The following HOOK2 variants were observed in gnomAD, a reference collection of about 807,000 sequenced individuals.
HOOK2 encodes the protein hook microtubule tethering protein 2, also known as protein Hook homolog 2.
In HOOK2, 108 loss-of-function variants were observed where a neutral mutation model predicts 111.9. That is an observed-to-expected ratio of 0.96 (90% CI 0.83 to 1.13). HOOK2 has a LOEUF of 1.13. Among genes scored for constraint, HOOK2 ranks in the 50% most tolerant of loss-of-function variants. HOOK2 has a pLI of 0.00. For missense variants in HOOK2, 978 were observed against 951.3 expected (o/e 1.03, Z -0.37); for synonymous variants, 405 against 394.3 (o/e 1.03, Z -0.32).
chr19:12,781,069 G>A (rs1237711478), upstream of HOOK2, among the ~76,000 whole-genome samples: 1 of 148,792 alleles, frequency 6.7e-6, no homozygotes, highest in Non-Finnish European at 1.5e-5. Flanking sequence ...TTGGGAGGCC[G>A]AGGTGGGCGG....
At chr19:12,779,317 G>A (rs1031849903), upstream of HOOK2, among the ~76,000 whole-genome samples, 1 of 152,022 alleles carries the variant, frequency 6.6e-6, no homozygotes, top group African/African-American at 2.4e-5. Flanking sequence ...GCTGAGAAGG[G>A]GACCCTCAGT....
Position 12,763,645 on chromosome 19 carries a change from C to T in HOOK2, c.1938+23G>A, listed in dbSNP as rs367914296. The T allele has an allele frequency of 6.6e-5, 106 of 1,613,946 alleles. No individual in the cohort carries two copies. The South Asian group carries it at 1.0e-3, about 16-fold the overall frequency. ...AGGGGCCTAGATACGTTGGAGGCAG[C>T]GTAAAGGGACGAGGACACCCACCTC... On this transcript the variant is annotated intron_variant, in intron 21 of 22. Transcript: ENST00000397668.
chr19:12,765,118 C>T (rs779710786), intron 18 of HOOK2, 37 bp from the exon 19 acceptor site: 10 of 1,606,142 alleles, frequency 6.2e-6, no homozygotes, highest in Non-Finnish European at 7.7e-6. Context: ...GGCTGACCTC[C>T]GGGCTGGCTT....
Position 12,765,518 on chromosome 19 carries a change from C to G in HOOK2, c.1640+172G>C, listed in dbSNP as rs1418116810. ...ATCCCAGCACTTTGGGAGGCCAAAG[C>G]GGGTGGATCATCTGGGGTCAGGAGT... On this transcript the variant is annotated intron_variant, in intron 18 of 22. Transcript: ENST00000397668. The G allele has an allele frequency of 4.6e-6, 4 of 863,102 alleles. No individual in the cohort carries two copies. In the East Asian group the frequency reaches 9.9e-5, roughly 21 times the overall value. The allele number at this position is 863,102 out of a possible 1,614,324, so 53.5% of individuals were successfully genotyped here.
intron 7 of HOOK2, chr19:12,771,685 C>G: frequency 1.7e-6 from 1 of 572,196 alleles, no homozygotes; most frequent in South Asian, 2.0e-5. Flanking sequence ...GAGTTCCAGA[C>G]CAGCCTGCCC....
chr19:12,768,420 C>T (rs1229575782), intron 11 of HOOK2, among the ~76,000 whole-genome samples: 3 of 151,988 alleles, frequency 2.0e-5, no homozygotes, highest in Non-Finnish European at 4.4e-5. Flanking sequence ...TAGTAGGAAC[C>T]CATACAACCA....
At chr19:12,773,657 A>G (rs935115974) in intron 3 of HOOK2, among the ~76,000 whole-genome samples, 1 of 152,142 alleles carries the variant, frequency 6.6e-6, no homozygotes, top group Non-Finnish European at 1.5e-5. Flanking sequence ...GGATTAGTGC[A>G]CCAGCTGCCT....
In HOOK2 at chr19:12,768,137, G is replaced by C. The variant is rs16978662; in HGVS notation, c.1105-14C>G. On this transcript the variant is annotated splice_polypyrimidine_tract_variant and intron_variant, in intron 11 of 22. Transcript: ENST00000397668. Reference sequence around the variant, plus strand: ...CAGTTCCTGCACCTGAACACAGAGAGGGGAGGAATAAGGACAGCAGGGCTG... The same window carrying C: ...CAGTTCCTGCACCTGAACACAGAGACGGGAGGAATAAGGACAGCAGGGCTG... 53,631 of 1,610,056 alleles carry C rather than the reference G, an allele frequency of 0.033. 1,724 individuals are homozygous for C. Among genetic ancestry groups the C allele is most frequent in the African/African-American group, 0.16 (11,861 of 74,978 alleles).
intron 21 of HOOK2, 30 bp from the exon 22 acceptor site, chr19:12,763,629 G>C (rs1038331526): frequency 1.9e-6 from 3 of 1,613,972 alleles, no homozygotes; most frequent in Non-Finnish European, 2.5e-6. Flanking sequence ...CAGGGGCCTA[G>C]ATACGTTGGA....
chr19:12,775,629 A>T (rs1328282706), upstream of HOOK2: 6 of 521,322 alleles, frequency 1.2e-5, no homozygotes, highest in African/African-American at 1.2e-4. Context: ...TCGGAACGTA[A>T]TCTCCTCCCT....
At position 12,771,385 on chromosome 19, in the gene HOOK2, C is replaced by T. The variant is rs776426492; in HGVS notation, c.600+12G>A. 2.5e-6 allele frequency: 4 copies of T among 1,612,424 alleles called. No homozygotes were observed. The highest frequency in any genetic ancestry group is 1.3e-5 in the African/African-American group (1 of 75,034). ...GGCTACTCAAGTGACCCTGCCCCAC[C>T]TAGGGCCCTACCTGCCGCTCCAGAT... On this transcript the variant is annotated intron_variant, in intron 8 of 22. Transcript: ENST00000397668.
intron 3 of HOOK2, among the ~76,000 whole-genome samples, chr19:12,789,174 TGAGAGAGAGAGAGAGAGACAAAGAGA>T (rs1249725564): frequency 1.4e-5 from 2 of 147,454 alleles, no homozygotes; most frequent in African/African-American, 5.1e-5. Flanking sequence ...CCTGGGAAGC[TGAGAGAGAGAGAGAGAGACAAAGAGA>T]GAGAGAGAGA....
chr19:12,792,053 C>T (rs1968724087), intron 3 of HOOK2: 1 of 1,610,514 alleles, frequency 6.2e-7, no homozygotes, highest in Non-Finnish European at 8.5e-7. Context: ...TTGTCCCCAA[C>T]AGCAACGGCG....
chr19:12,786,015 T>G lies in HOOK2; in HGVS notation n.42-11790A>C, dbSNP rs1187455830. 6.6e-6 allele frequency among the ~76,000 whole-genome samples: 1 copy of G among 152,138 alleles called. No homozygotes were observed. Among genetic ancestry groups the G allele is most frequent in the Non-Finnish European group, 1.5e-5 (1 of 68,000 alleles). On this transcript the variant is annotated intron_variant and non_coding_transcript_variant, in intron 3 of 3. Transcript: ENST00000589765. The surrounding 1 kb of genome is among the most constrained non-coding windows in gnomAD (Gnocchi z 4.3). Reference sequence around the variant, plus strand: ...AGTGGCAGGGATGGAAGCAGCTTCCTGAGAAACTCCCCTCATGCCCAACCA... The same window carrying G: ...AGTGGCAGGGATGGAAGCAGCTTCCGGAGAAACTCCCCTCATGCCCAACCA...
intron 3 of HOOK2, chr19:12,773,824 G>T: frequency 6.5e-6 from 1 of 152,944 alleles, no homozygotes; most frequent in Non-Finnish European, 1.5e-5. Context: ...ACCATGGCCT[G>T]CCAGGCCCCT....
Position 12,773,024 on chromosome 19 carries a change from G to T in HOOK2, c.225C>A (p.Val75=), listed in dbSNP as rs537793218. 9 of 1,614,086 alleles carry T rather than the reference G, an allele frequency of 5.6e-6. No homozygotes were observed. In the South Asian group the frequency reaches 9.9e-5, roughly 18 times the overall value. ...GGGAGTACTCTACTAGGCTCCGTAA[G>T]ACCATCTTCAGATTGCTGACCTAGG... ...WKLKVSNLKM[V]LRSLVEYSQD... The change falls in exon 4 of 23, where the codon GTC becomes GTA. Residue 75 remains valine (V), a synonymous_variant. Coordinates refer to ENST00000397668, the MANE Select transcript of HOOK2 (RefSeq NM_013312.3).
intron 3 of HOOK2, 47 bp from the exon 4 acceptor site, chr19:12,773,091 C>G: frequency 1.9e-6 from 3 of 1,579,476 alleles, no homozygotes; most frequent in Non-Finnish European, 2.6e-6. Flanking sequence ...GCCTCCCACT[C>G]TGAATCTGTA....
intron 3 of HOOK2, among the ~76,000 whole-genome samples, chr19:12,789,796 A>AGGCGGCCGTGGGGGCCCCGGGGGC (rs1186639670): frequency 1.3e-5 from 2 of 151,196 alleles, no homozygotes; most frequent in East Asian, 3.9e-4. Context: ...GGGCCGGGCC[A>AGGCGGCCGTGGGGGCCCCGGGGGC]GGCGGCCGTG....
chr19:12,779,779 T>TG (rs1599517262), upstream of HOOK2, among the ~76,000 whole-genome samples: 5 of 112,662 alleles, frequency 4.4e-5, no homozygotes, highest in Admixed American at 9.8e-5. Context: ...CCTGATTTGA[T>TG]GGGGGGGAGG....
Sources: allele counts gnomAD v4.1 joint callset (sites outside exome capture counted in the v4.1 genomes callset), GRCh38; gene constraint gnomAD v4.1.1; non-coding constraint Gnocchi (gnomAD v3.1); transcripts MANE v1.5; gene names NCBI Gene and HGNC (gene_info 2026-07-23, HGNC 2026-07-21).